The following CDC14B variants were observed in gnomAD, a reference collection of about 807,000 sequenced individuals.
CDC14B encodes the protein dual specificity protein phosphatase CDC14B.
CDC14B carries 22 observed loss-of-function variants against 64.2 expected under a neutral mutation model. The observed-to-expected ratio is 0.34, with a 90% CI of 0.24 to 0.49. The LOEUF is 0.49. Among genes scored for constraint, CDC14B ranks in the 20% least tolerant of loss-of-function variants. The probability of loss-of-function intolerance (pLI) is 0.99; values close to 1 mark genes in which losing one functional copy is unlikely to be tolerated. For missense variants in CDC14B, 498 were observed against 629.9 expected (o/e 0.79, Z 2.24); for synonymous variants, 191 against 215.8 (o/e 0.89, Z 1.01).
chr9:96,617,746 T>C (rs1204749236), intron 1 of CDC14B, among the ~76,000 whole-genome samples: 2 of 152,232 alleles, frequency 1.3e-5, no homozygotes, highest in African/African-American at 4.8e-5. Context: ...CCAACTTTTC[T>C]GCACGTACTC....
chr9:96,523,474 ACTT>A, intron 10 of CDC14B, 54 bp from the exon 11 acceptor site: 4 of 1,602,198 alleles, frequency 2.5e-6, no homozygotes, highest in Non-Finnish European at 3.4e-6. Flanking sequence ...TACATGAACA[ACTT>A]CTTCCTACCA....
chr9:96,530,853 T>C (rs539526276), intron 9 of CDC14B, among the ~76,000 whole-genome samples: 145 of 152,314 alleles, frequency 9.5e-4, no homozygotes, highest in African/African-American at 3.5e-3. Flanking sequence ...ACCTAGTTTG[T>C]ACTGTGTTTT....
At chr9:96,519,987 G>C (rs10820757) in intron 12 of CDC14B, among the ~76,000 whole-genome samples, 22,428 of 152,180 alleles carry the variant, frequency 0.15, 1,763 homozygotes, top group Non-Finnish European at 0.18. Flanking sequence ...GTCCCTCAGG[G>C]ACTTCTATTC....
chr9:96,552,995 A>C (rs1350210258), intron 4 of CDC14B, among the ~76,000 whole-genome samples: 1 of 152,232 alleles, frequency 6.6e-6, no homozygotes, highest in African/African-American at 2.4e-5. Flanking sequence ...GATACATGTG[A>C]CCTGTTTCCA....
intron 13 of CDC14B, chr9:96,493,300 TCTC>T (rs1833134729): frequency 6.6e-6 from 1 of 152,426 alleles, no homozygotes; most frequent in South Asian, 2.1e-4. Context: ...GCTGCTGCTG[TCTC>T]CTCTCAGCCT....
intron 1 of CDC14B, among the ~76,000 whole-genome samples, chr9:96,583,907 A>G (rs1181448196): frequency 1.3e-5 from 2 of 151,370 alleles, no homozygotes; most frequent in African/African-American, 4.9e-5. Flanking sequence ...TTTAGTAGAG[A>G]CGGGGTTTCA....
chr9:96,586,717 C>T (rs578157019), intron 1 of CDC14B, among the ~76,000 whole-genome samples: 2 of 152,054 alleles, frequency 1.3e-5, no homozygotes, highest in Non-Finnish European at 2.9e-5. Context: ...CCACCATGCC[C>T]AGTCCATATT....
intron 4 of CDC14B, among the ~76,000 whole-genome samples, chr9:96,557,846 T>G (rs1842684723): frequency 6.6e-6 from 1 of 152,226 alleles, no homozygotes. Flanking sequence ...GAAAGCAAAT[T>G]TGCAAGCTAC....
downstream of CDC14B, among the ~76,000 whole-genome samples, chr9:96,498,784 G>C (rs1441065480): frequency 1.3e-5 from 2 of 152,228 alleles, no homozygotes; most frequent in Non-Finnish European, 2.9e-5. Flanking sequence ...TGCTAAGGTA[G>C]GGATTCTTTT....
At chr9:96,566,674 C>T (rs2132347006) in intron 1 of CDC14B, 4 of 1,252,674 alleles carry the variant, frequency 3.2e-6, no homozygotes, top group East Asian at 2.5e-5. Context: ...GCGGCCGGGG[C>T]CCAGACTAGG....
At chr9:96,585,161 A>G (rs1472728170) in intron 1 of CDC14B, among the ~76,000 whole-genome samples, 1 of 152,060 alleles carries the variant, frequency 6.6e-6, no homozygotes, top group Non-Finnish European at 1.5e-5. Flanking sequence ...TGTCATGCCA[A>G]TTGCACTGTT....
intron 9 of CDC14B, among the ~76,000 whole-genome samples, chr9:96,529,124 T>A (rs994394907): frequency 6.6e-6 from 1 of 152,236 alleles, no homozygotes; most frequent in African/African-American, 2.4e-5. Flanking sequence ...TGTTCTTTCA[T>A]TGTCAGTGCC....
chr9:96,591,991 C>T (rs1041033434), intron 1 of CDC14B, among the ~76,000 whole-genome samples: 5 of 152,212 alleles, frequency 3.3e-5, no homozygotes, highest in South Asian at 2.1e-4. Context: ...GTGATCTGCC[C>T]GCCTCGGCCT....
chr9:96,516,678 G>A (rs1007782106), intron 12 of CDC14B, among the ~76,000 whole-genome samples: 1 of 152,104 alleles, frequency 6.6e-6, no homozygotes, highest in Non-Finnish European at 1.5e-5. Flanking sequence ...GTTTCACCAC[G>A]TTGGCCAGGC....
Position 96,551,888 on chromosome 9 carries a change from G to A in CDC14B, c.421-16C>T. Reference sequence around the variant, plus strand: ...AATATATAACCTATGTTTGAAAAAAGAAGAAAAAGGCAATTTATTTCTAAG... The same window carrying A: ...AATATATAACCTATGTTTGAAAAAAAAAGAAAAAGGCAATTTATTTCTAAG... On this transcript the variant is annotated splice_polypyrimidine_tract_variant and intron_variant, in intron 4 of 13. Transcript: ENST00000375241. 1 of 1,589,446 alleles carries A rather than the reference G, an allele frequency of 6.3e-7. No homozygotes were observed. The highest frequency in any genetic ancestry group is 1.9e-5 in the Admixed American group (1 of 53,612).
chr9:96,542,965 G>A (rs1039835549), intron 5 of CDC14B, among the ~76,000 whole-genome samples: 2 of 152,018 alleles, frequency 1.3e-5, no homozygotes, highest in African/African-American at 4.8e-5. Context: ...CCGAGATCAT[G>A]CCACTGCACT....
chr9:96,592,474 T>C (rs1845846166), intron 1 of CDC14B, among the ~76,000 whole-genome samples: 1 of 152,214 alleles, frequency 6.6e-6, no homozygotes, highest in Non-Finnish European at 1.5e-5. Flanking sequence ...TTGTAACTTA[T>C]TCTTCAAAAA....
At chr9:96,606,226 G>A (rs1179189931) in intron 1 of CDC14B, among the ~76,000 whole-genome samples, 1 of 150,064 alleles carries the variant, frequency 6.7e-6, no homozygotes, top group Non-Finnish European at 1.5e-5. Flanking sequence ...CCAGCTACTC[G>A]GGAGGCTGAG....
intron 1 of CDC14B, among the ~76,000 whole-genome samples, chr9:96,569,984 C>A (rs570613153): frequency 7.4e-4 from 112 of 152,302 alleles, no homozygotes; most frequent in Non-Finnish European, 1.2e-3. Flanking sequence ...TTTCTGTTGT[C>A]AGAAACAGAA....
Sources: allele counts gnomAD v4.1 joint callset (sites outside exome capture counted in the v4.1 genomes callset), GRCh38; gene constraint gnomAD v4.1.1; transcripts MANE v1.5; gene names NCBI Gene and HGNC (gene_info 2026-07-23, HGNC 2026-07-21).